The following DPH6 variants were observed in gnomAD, a reference collection of about 807,000 sequenced individuals.
DPH6 encodes the protein diphthamine biosynthesis 6, also known as diphthine--ammonia ligase.
Under a neutral mutation model 38.2 loss-of-function variants are expected in DPH6, and 33 were observed. The ratio of observed to expected loss-of-function variants is 0.86; its 90% confidence interval spans 0.65 to 1.15. The LOEUF (loss-of-function observed/expected upper bound fraction) is 1.15, where lower values mean the gene tolerates loss of function less well. DPH6 is among the 50% of genes most tolerant of loss of function. The pLI, the probability that DPH6 is intolerant of heterozygous loss-of-function variation, is 0.00. For missense variants in DPH6, 325 were observed against 320.0 expected (o/e 1.02, Z -0.12); for synonymous variants, 108 against 103.0 (o/e 1.05, Z -0.30).
chr15:35,162,518 G>A, the DPH6 span, among the ~76,000 whole-genome samples: 4 of 151,848 alleles, frequency 2.6e-5, no homozygotes, highest in East Asian at 7.7e-4. Context: ...TCAGAGCGTG[G>A]CAGGACTCAT....
intron 7 of DPH6, among the ~76,000 whole-genome samples, chr15:35,381,578 A>C (rs1338028933): frequency 1.3e-5 from 2 of 152,232 alleles, no homozygotes; most frequent in Non-Finnish European, 2.9e-5. Context: ...ACTGCAGGCC[A>C]TAATCAGCAA....
chr15:35,172,768 TGTA>T, the DPH6 span, among the ~76,000 whole-genome samples: 1 of 152,260 alleles, frequency 6.6e-6, no homozygotes, highest in East Asian at 1.9e-4. Flanking sequence ...CATAGTGCAC[TGTA>T]GTCTTGAACT....
At chr15:35,246,671 C>T (rs1402055667) in intron 3 of DPH6, among the ~76,000 whole-genome samples, 1 of 152,144 alleles carries the variant, frequency 6.6e-6, no homozygotes, top group African/African-American at 2.4e-5. Flanking sequence ...AGGGATTTGG[C>T]TTTAAAACTC....
At chr15:35,436,478 C>CAAACAAAAAAA (rs1247449769) in intron 5 of DPH6, among the ~76,000 whole-genome samples, 12 of 61,224 alleles carry the variant, frequency 2.0e-4, no homozygotes, top group Admixed American at 6.0e-4. Context: ...ACAAAACAAA[C>CAAACAAAAAAA]AAAAACAAAA....
At chr15:35,332,496 G>C (rs537136882) in intron 3 of DPH6, among the ~76,000 whole-genome samples, 1 of 152,032 alleles carries the variant, frequency 6.6e-6, no homozygotes, top group Non-Finnish European at 1.5e-5. Context: ...TTTTCAACTG[G>C]TTGTTTTAGC....
intron 3 of DPH6, among the ~76,000 whole-genome samples, chr15:35,485,397 T>C (rs1350990026): frequency 6.6e-6 from 1 of 152,204 alleles, no homozygotes; most frequent in East Asian, 1.9e-4. Flanking sequence ...AACAACTAAA[T>C]TGACTCACTT....
At chr15:35,181,922 A>G in the DPH6 span, 1 of 152,160 alleles carries the variant, frequency 6.6e-6, no homozygotes, top group Non-Finnish European at 1.5e-5. Context: ...CCTTTGTTTA[A>G]TGATATTTCT....
chr15:35,389,742 C>T (rs948116770), intron 6 of DPH6, among the ~76,000 whole-genome samples: 5 of 152,190 alleles, frequency 3.3e-5, no homozygotes, highest in South Asian at 2.1e-4. Context: ...TGTCTCTGCA[C>T]GTGAGATTGG....
rs769167553 is a variant in DPH6, at chr15:35,391,310, G to C, written c.568-9394C>G. ...GGTCAGGGACCCACTTGAGGAGGCA[G>C]TCTGTCCATTCTCAGATCCCAAGCT... On this transcript the variant is annotated intron_variant, in intron 6 of 8. Transcript: ENST00000256538. Among the ~76,000 whole-genome samples the C allele has an allele frequency of 5.8e-4, 89 of 152,348 alleles. No individual in the cohort carries two copies. The Middle Eastern group carries it at 0.01, about 17-fold the overall frequency.
chr15:35,278,547 C>A (rs1464027635), intron 3 of DPH6, among the ~76,000 whole-genome samples: 1 of 152,186 alleles, frequency 6.6e-6, no homozygotes, highest in Non-Finnish European at 1.5e-5. Context: ...CAGGGCACTG[C>A]CTAGTGGAGC....
chr15:35,154,978 C>G, the DPH6 span, among the ~76,000 whole-genome samples: 6 of 152,140 alleles, frequency 3.9e-5, no homozygotes, highest in Non-Finnish European at 8.8e-5. Context: ...GGAAAATGTT[C>G]TTTTTCCCTC....
chr15:35,270,201 T>C (rs892906598), intron 3 of DPH6, among the ~76,000 whole-genome samples: 2 of 152,234 alleles, frequency 1.3e-5, no homozygotes, highest in Admixed American at 6.5e-5. Context: ...ATGGTATCTA[T>C]TGGCACCAAT....
At chr15:35,185,889 C>T in the DPH6 span, among the ~76,000 whole-genome samples, 2,047 of 150,398 alleles carry the variant, frequency 0.014, 22 homozygotes, top group Non-Finnish European at 0.021. Context: ...CCCGCCACCA[C>T]GCCCGGCTAA....
chr15:35,369,603 C>CCT (rs74384521), downstream of DPH6, among the ~76,000 whole-genome samples: 37,862 of 147,780 alleles, frequency 0.26, 5,056 homozygotes, highest in South Asian at 0.37. Context: ...AAGAATACCA[C>CCT]CTTAAAGCCT....
chr15:35,516,078 T>C (rs1206101508), intron 3 of DPH6, among the ~76,000 whole-genome samples: 1 of 152,156 alleles, frequency 6.6e-6, no homozygotes, highest in Non-Finnish European at 1.5e-5. Context: ...GCAGACATAC[T>C]GAAATGCACA....
chr15:35,304,170 C>A (rs989606596), intron 3 of DPH6, among the ~76,000 whole-genome samples: 6 of 152,034 alleles, frequency 3.9e-5, no homozygotes, highest in Non-Finnish European at 8.8e-5. Context: ...CTAGCCAAAA[C>A]CTTTCACATC....
chr15:35,212,277 T>C, the DPH6 span, among the ~76,000 whole-genome samples: 1 of 152,112 alleles, frequency 6.6e-6, no homozygotes, highest in Non-Finnish European at 1.5e-5. Context: ...CTTTGTTAAA[T>C]TGGAAGAGTT....
At chr15:35,395,481 T>A (rs2053118756) in intron 6 of DPH6, among the ~76,000 whole-genome samples, 1 of 152,226 alleles carries the variant, frequency 6.6e-6, no homozygotes, top group African/African-American at 2.4e-5. Context: ...GAATGGGCCT[T>A]ACATTCCCAC....
At chr15:35,196,017 A>G in the DPH6 span, among the ~76,000 whole-genome samples, 1 of 152,228 alleles carries the variant, frequency 6.6e-6, no homozygotes, top group Non-Finnish European at 1.5e-5. Context: ...GTATATATTT[A>G]AACTGTGAGA....
Sources: gnomAD v4.1 joint callset for allele counts (sites outside exome capture counted in the v4.1 genomes callset) on GRCh38, gnomAD v4.1.1 for gene constraint, MANE v1.5 for transcripts, NCBI Gene and HGNC (gene_info 2026-07-23, HGNC 2026-07-21) for gene names.